NF1: variants seen among roughly 807,000 people sequenced by gnomAD.
NF1 encodes neurofibromin.
NF1 carries 122 observed loss-of-function variants against 325.7 expected under a neutral mutation model. That is an observed-to-expected ratio of 0.37 (90% CI 0.32 to 0.44). NF1 has a LOEUF of 0.44. NF1 is among the 20% of genes least tolerant of loss of function. The probability of loss-of-function intolerance (pLI) is 1.00; values close to 1 mark genes in which losing one functional copy is unlikely to be tolerated. For synonymous variants in NF1, 1,091 were observed against 1,186.0 expected (o/e 0.92, Z 1.65); for missense variants, 2,140 against 3,415.4 (o/e 0.63, Z 9.31).
At chr17:31,233,541 G>A (rs775492527) in intron 27 of NF1, among the ~76,000 whole-genome samples, 13 of 152,114 alleles carry the variant, frequency 8.5e-5, no homozygotes, top group Non-Finnish European at 1.8e-4. Context: ...TGGAATCCAC[G>A]ATTTGTGCCT....
intron 39 of NF1, among the ~76,000 whole-genome samples, chr17:31,332,320 C>G (rs185741078): frequency 2.0e-4 from 30 of 151,658 alleles, no homozygotes; most frequent in Non-Finnish European, 2.1e-4. Flanking sequence ...AAAAATTAGC[C>G]GGGCTCGGTG....
chr17:31,373,584 A>G (rs574578329), intron 57 of NF1, among the ~76,000 whole-genome samples: 1 of 152,374 alleles, frequency 6.6e-6, no homozygotes, highest in Non-Finnish European at 1.5e-5. Context: ...TGAAATGTGC[A>G]TAAACAATTT....
chr17:31,335,125 G>C, intron 40 of NF1, 94 bp downstream of exon 40: 1 of 1,043,202 alleles, frequency 9.6e-7, no homozygotes. Flanking sequence ...AGACACTAGG[G>C]ATAGAGTTGT....
chr17:31,152,219 CAA>C (rs951016808), intron 1 of NF1, among the ~76,000 whole-genome samples: 3 of 151,318 alleles, frequency 2.0e-5, no homozygotes, highest in African/African-American at 7.3e-5. Flanking sequence ...CCTGTAAGTT[CAA>C]AAGATTTTTT....
chr17:31,264,017 C>T (rs1486395870), intron 35 of NF1, among the ~76,000 whole-genome samples: 1 of 152,012 alleles, frequency 6.6e-6, no homozygotes, highest in Admixed American at 6.6e-5. Flanking sequence ...GACCTGGTAC[C>T]AGCAGCATGA....
At chr17:31,268,551 C>G (rs912193904) in intron 36 of NF1, among the ~76,000 whole-genome samples, 1 of 150,560 alleles carries the variant, frequency 6.6e-6, no homozygotes, top group African/African-American at 2.4e-5. Context: ...TGCTTGAACC[C>G]GGGAGGTGGA....
At position 31,349,086 on chromosome 17, in the gene NF1, CTTGT is replaced by C. The variant is rs149197458; in HGVS notation, c.7190-11_7190-8del. On this transcript the variant is annotated intron_variant, in intron 48 of 57. Transcript: ENST00000358273. ...TGCTTGTTCAAAAAATTAATTCTTA[CTTGT>C]TTGTTTGTTTGTTTGTTTGTTTTTT... The C allele has an allele frequency of 5.7e-3, 8,787 of 1,541,198 alleles. 318 individuals carry two copies. The African/African-American group carries it at 0.089, about 16-fold the overall frequency.
Position 31,330,455 on chromosome 17 carries a change from G to A in NF1, c.5769G>A (p.Thr1923=), listed in dbSNP as rs780145472. The A allele has an allele frequency of 8.7e-6, 14 of 1,613,630 alleles. No homozygotes were observed. The highest frequency in any genetic ancestry group is 2.2e-5 in the South Asian group (2 of 91,034). Residue 1923 remains threonine (T), a synonymous_variant, in exon 39 of 58, where the codon ACG becomes ACA. Transcript: ENST00000358273. Reference sequence around the variant, plus strand: ...TGGCAGCCAATGAGCCACACCTCACGTTAGAATTTTTGGAAGAGTGTATTT... The same window carrying A: ...TGGCAGCCAATGAGCCACACCTCACATTAGAATTTTTGGAAGAGTGTATTT... The part of the protein sequence containing the change: ...KTLAANEPHL[T]LEFLEECISG...
intron 1 of NF1, among the ~76,000 whole-genome samples, chr17:31,108,478 A>G (rs1167097531): frequency 6.6e-6 from 1 of 151,868 alleles, no homozygotes; most frequent in Admixed American, 6.6e-5. Context: ...GTTTTGTCAT[A>G]TTGTGCAGGT....
chr17:31,372,305 G>T (rs1380211445), intron 57 of NF1, among the ~76,000 whole-genome samples: 2 of 152,066 alleles, frequency 1.3e-5, no homozygotes, highest in African/African-American at 2.4e-5. Flanking sequence ...AAAAATTGTG[G>T]TCATCTTTTT....
At chr17:31,366,784 G>T (rs1420117232) in intron 57 of NF1, among the ~76,000 whole-genome samples, 4 of 152,104 alleles carry the variant, frequency 2.6e-5, no homozygotes, top group Non-Finnish European at 5.9e-5. Flanking sequence ...CTATTTTGAG[G>T]CCACTTAAGA....
intron 1 of NF1, among the ~76,000 whole-genome samples, chr17:31,135,589 A>G (rs1597601850): frequency 6.6e-6 from 1 of 151,964 alleles, no homozygotes; most frequent in African/African-American, 2.4e-5. Context: ...TTTTTGAAAC[A>G]GGGGTCTTTC....
At position 31,314,070 on chromosome 17, in the gene NF1, A is replaced by G. The variant is rs577487206; in HGVS notation, c.4836-11750A>G. 1.6e-4 allele frequency: 65 copies of G among 398,078 alleles called. No homozygotes were observed. The Middle Eastern group carries it at 2.5e-3, about 16-fold the overall frequency. 24.7% of individuals were successfully genotyped at this position (398,078 alleles called of 1,614,324 possible). ...CTAAGAAAGGAAAATGGGTGGTTCA[A>G]TTCAGATTTAAAATGTTCCTCTAGC... On this transcript the variant is annotated intron_variant, in intron 36 of 57. Coordinates refer to ENST00000358273, the MANE Select transcript of NF1 (RefSeq NM_001042492.3).
At chr17:31,332,403 G>A (rs982115554) in intron 39 of NF1, among the ~76,000 whole-genome samples, 2 of 151,876 alleles carry the variant, frequency 1.3e-5, no homozygotes, top group Non-Finnish European at 2.9e-5. Flanking sequence ...GGCAGAGGTT[G>A]CAGTGAGCCG....
chr17:31,183,162 AC>A (rs1224151116), intron 8 of NF1: 1 of 277,232 alleles, frequency 3.6e-6, no homozygotes, highest in Admixed American at 5.1e-5. Flanking sequence ...TGGCACCATG[AC>A]AACTGGTAAT....
intron 36 of NF1, among the ~76,000 whole-genome samples, chr17:31,313,310 A>G (rs983587798): frequency 6.6e-6 from 1 of 152,232 alleles, no homozygotes; most frequent in African/African-American, 2.4e-5. Flanking sequence ...TTTGGAGGTT[A>G]TAAATTCAGT....
At chr17:31,195,068 A>T (rs2066410307) in intron 8 of NF1, among the ~76,000 whole-genome samples, 1 of 152,156 alleles carries the variant, frequency 6.6e-6, no homozygotes, top group African/African-American at 2.4e-5. Flanking sequence ...TTAGATAGAA[A>T]TCATTGTAAA....
chr17:31,368,217 A>G (rs888421125), intron 57 of NF1, among the ~76,000 whole-genome samples: 9 of 152,022 alleles, frequency 5.9e-5, no homozygotes, highest in African/African-American at 2.2e-4. Flanking sequence ...GCTTACTGCA[A>G]CCTCCGCCTC....
At position 31,375,722 on chromosome 17, in the gene NF1, AAAT is replaced by A. The variant is rs1362831305; in HGVS notation, c.*1571_*1573del. 3 of 232,672 alleles carry A rather than the reference AAAT, an allele frequency of 1.3e-5. No individual in the cohort carries two copies. 14.4% of individuals were successfully genotyped at this position (232,672 alleles called of 1,614,324 possible). The stretch of plus-strand genomic sequence containing the variant: ...AATTAAATTCCACAGCTAATTCAAT[AAAT>A]AATGGTACATTTAAGTGTTCTGATT... On this transcript the variant is annotated 3_prime_UTR_variant, in exon 58 of 58. Coordinates refer to ENST00000358273, the MANE Select transcript of NF1 (RefSeq NM_001042492.3).
Sources: allele counts gnomAD v4.1 joint callset (sites outside exome capture counted in the v4.1 genomes callset), GRCh38; gene constraint gnomAD v4.1.1; transcripts MANE v1.5; gene names NCBI Gene and HGNC (gene_info 2026-07-23, HGNC 2026-07-21).